The following TRIM4 variants were observed in gnomAD, a reference collection of about 807,000 sequenced individuals.
TRIM4 encodes tripartite motif containing 4.
A neutral mutation model predicts 33.7 loss-of-function variants in TRIM4; 29 were observed. The observed-to-expected ratio is 0.86, with a 90% CI of 0.64 to 1.17. TRIM4 has a LOEUF of 1.17. Ranked by LOEUF, TRIM4 falls within the 50% of genes most tolerant of loss-of-function variation. The pLI is 0.00. For synonymous variants in TRIM4, 224 were observed against 233.0 expected (o/e 0.96, Z 0.35); for missense variants, 554 against 593.7 (o/e 0.93, Z 0.69).
At chr7:99,899,905 C>T (rs911512435) in intron 5 of TRIM4, among the ~76,000 whole-genome samples, 76 of 152,150 alleles carry the variant, frequency 5.0e-4, no homozygotes, top group Non-Finnish European at 2.9e-5. Context: ...ATCCTCCCGC[C>T]GTGGCCTCCC....
intron 3 of TRIM4, among the ~76,000 whole-genome samples, chr7:99,906,885 A>G (rs1361960203): frequency 6.6e-6 from 1 of 152,156 alleles, no homozygotes; most frequent in Admixed American, 6.5e-5. Context: ...AACAATAAAG[A>G]GCAGATATTA....
chr7:99,897,882 T>C (rs988187142), intron 5 of TRIM4, among the ~76,000 whole-genome samples: 3 of 152,230 alleles, frequency 2.0e-5, no homozygotes, highest in African/African-American at 7.2e-5. Flanking sequence ...TTCCTGTGTC[T>C]TACTAAATGG....
At position 99,892,102 on chromosome 7, in the gene TRIM4, AG is replaced by A; in HGVS notation, c.*60del. The A allele has an allele frequency of 7.0e-7, 1 of 1,422,820 alleles. No individual in the cohort carries two copies. The highest frequency in any genetic ancestry group is 9.5e-7 in the Non-Finnish European group (1 of 1,048,366). The allele number at this position is 1,422,820 out of a possible 1,614,324, so 88.1% of individuals were successfully genotyped here. On this transcript the variant is annotated 3_prime_UTR_variant, in exon 6 of 6. Coordinates refer to ENST00000349062, the MANE Select transcript of TRIM4 (RefSeq NM_033091.3). The stretch of plus-strand genomic sequence containing the variant: ...AGACATGAAGGGCAGAAGAGGGCCC[AG>A]GGATGTGTGTCCCTCAGCTGGACTA...
In TRIM4 at chr7:99,908,613, T is replaced by C. The variant is rs536332903; in HGVS notation, c.689A>G (p.Lys230Arg). 3 of 1,613,564 alleles carry C rather than the reference T, an allele frequency of 1.9e-6. No individual in the cohort carries two copies. The African/African-American group carries it at 4.0e-5, about 22-fold the overall frequency. ...LKKLILEVGE[K>R]SQAPTLELLQ... is the part of the protein sequence containing the mutation. ...CAGCTCCAGGGTGGGAGCCTGGCTC[T>C]TCTCCCCCACCTCTAAGATGAGCTT... Residue 230 changes from lysine (K) to arginine (R), a missense_variant, in exon 3 of 6, where the codon AAG becomes AGG. Lys to Arg is a conservative substitution (Grantham distance 26, BLOSUM62 2). Coordinates refer to ENST00000349062, the MANE Select transcript of TRIM4 (RefSeq NM_033091.3).
chr7:99,892,303 C>T lies in TRIM4; in HGVS notation c.1285G>A (p.Gly429Arg), dbSNP rs1021157423. Residue 429 changes from glycine to arginine, a missense_variant, in exon 6 of 6, where the codon GGG (glycine) becomes AGG (arginine). By Grantham distance (125) the Gly-to-Arg change is moderately radical. Coordinates refer to ENST00000349062, the MANE Select transcript of TRIM4 (RefSeq NM_033091.3). ...RVGVYLDRGT[G>R]NVSFYSAVDG... The stretch of plus-strand genomic sequence containing the variant: ...ACAGCGCTGTAGAAGGAGACATTCC[C>T]AGTCCCACGATCCAGGTAAACCCCC... The T allele has an allele frequency of 8.1e-6, 13 of 1,614,064 alleles. No homozygotes were observed. The highest frequency in any genetic ancestry group is 1.1e-5 in the Non-Finnish European group (13 of 1,180,030).
intron 3 of TRIM4, among the ~76,000 whole-genome samples, chr7:99,904,432 A>G (rs1819249650): frequency 6.6e-6 from 1 of 152,258 alleles, no homozygotes; most frequent in African/African-American, 2.4e-5. Context: ...AGGAGAGACA[A>G]TGACAACCAA....
intron 2 of TRIM4, among the ~76,000 whole-genome samples, chr7:99,909,259 G>A (rs1175387560): frequency 6.6e-6 from 1 of 151,994 alleles, no homozygotes; most frequent in African/African-American, 2.4e-5. Flanking sequence ...AGGAAGGAGA[G>A]GGGTGCTACC....
intron 5 of TRIM4, among the ~76,000 whole-genome samples, chr7:99,894,732 T>A (rs1299056897): frequency 6.6e-6 from 1 of 152,076 alleles, no homozygotes; most frequent in East Asian, 1.9e-4. Context: ...TTGGAAGGTT[T>A]CTAATAGCAA....
At position 99,892,700 on chromosome 7, in the gene TRIM4, G is replaced by A. The variant is rs34402397; in HGVS notation, c.888C>T (p.Phe296=). Reference sequence around the variant, plus strand: ...TTTTCACGTATCTCCCTTCCTGGGAGAAGACGAGTTTGGGATGAGCTGTGT... The same window carrying A: ...TTTTCACGTATCTCCCTTCCTGGGAAAAGACGAGTTTGGGATGAGCTGTGT... ...AEDTAHPKLV[F]SQEGRYVKNT... is the part of the protein sequence containing the mutation. Residue 296 remains phenylalanine, a synonymous_variant, in exon 6 of 6, where the codon TTC becomes TTT. Coordinates refer to ENST00000349062, the MANE Select transcript of TRIM4 (RefSeq NM_033091.3). 741 of 1,614,036 alleles carry A rather than the reference G, an allele frequency of 4.6e-4. 4 individuals are homozygous for A. In the African/African-American group the frequency reaches 8.7e-3, roughly 19 times the overall value.
In TRIM4 at chr7:99,917,102, C is replaced by T. The variant is rs1055363498; in HGVS notation, c.393+1907G>A. Among the ~76,000 whole-genome samples the T allele has an allele frequency of 5.9e-5, 9 of 152,348 alleles. No homozygotes were observed. In the South Asian group the frequency reaches 1.7e-3, roughly 28 times the overall value. ...AGAGCTAACACATTTAACTCCTCAA[C>T]GGAGCCTTTCCTCACTCCTCAGTGA... is the stretch of plus-strand genomic sequence containing the variant. On this transcript the variant is annotated intron_variant, in intron 1 of 5. Coordinates refer to ENST00000349062, the MANE Select transcript of TRIM4 (RefSeq NM_033091.3).
At chr7:99,918,699 A>G (rs1220477713) in intron 1 of TRIM4, among the ~76,000 whole-genome samples, 1 of 152,158 alleles carries the variant, frequency 6.6e-6, no homozygotes, top group Non-Finnish European at 1.5e-5. Flanking sequence ...TTTAAATTAC[A>G]TATGTGGTTT....
chr7:99,911,380 T>G (rs1049048027), intron 1 of TRIM4, among the ~76,000 whole-genome samples: 3 of 152,140 alleles, frequency 2.0e-5, no homozygotes, highest in Non-Finnish European at 4.4e-5. Flanking sequence ...ATTACAAAAC[T>G]AGTGAATAGT....
chr7:99,903,179 G>T (rs775263357), intron 5 of TRIM4, 39 bp downstream of exon 5: 8 of 1,467,146 alleles, frequency 5.5e-6, no homozygotes, highest in Admixed American at 1.9e-5. Flanking sequence ...CTATTTGAAA[G>T]ATTTCTAAGG....
At chr7:99,903,191 G>A (rs760331023) in intron 5 of TRIM4, 27 bp downstream of exon 5, 40 of 1,537,448 alleles carry the variant, frequency 2.6e-5, no homozygotes, top group Middle Eastern at 3.4e-4. Context: ...TTTCTAAGGA[G>A]CCCCAAGTCC....
At chr7:99,898,064 ATGC>A (rs1346043821) in intron 5 of TRIM4, among the ~76,000 whole-genome samples, 17 of 152,226 alleles carry the variant, frequency 1.1e-4, no homozygotes, top group African/African-American at 4.1e-4. Flanking sequence ...TGGGGCATCC[ATGC>A]TGCTAACTTG....
chr7:99,903,649 C>G, intron 3 of TRIM4, 51 bp from the exon 4 acceptor site: 1 of 1,607,156 alleles, frequency 6.2e-7, no homozygotes, highest in Non-Finnish European at 8.5e-7. Flanking sequence ...TCCTGGAGAC[C>G]TGGAATACAA....
In TRIM4 at chr7:99,892,194, A is replaced by G; in HGVS notation, c.1394T>C (p.Leu465Ser). 6.2e-7 allele frequency: 1 copy of G among 1,613,024 alleles called. No individual in the cohort carries two copies. The highest frequency in any genetic ancestry group is 8.5e-7 in the Non-Finnish European group (1 of 1,179,644). ...CCTATCAGTCACTGGTGGAATGACT[A>G]AAGATGCTAATGGACTCAACCAAAA... ...PFFWLSPLAS[L>S]VIPPVTDRK Residue 465 changes from leucine (L) to serine (S), a missense_variant, in exon 6 of 6, where the codon TTA becomes TCA. By Grantham distance (145) the Leu-to-Ser change is moderately radical. This residue lies in a region of TRIM4 where 290 missense variants were observed against 335.8 expected (regional missense o/e 0.86). Transcript: ENST00000349062.
At chr7:99,896,658 A>G (rs1819022351) in intron 5 of TRIM4, among the ~76,000 whole-genome samples, 1 of 152,206 alleles carries the variant, frequency 6.6e-6, no homozygotes, top group East Asian at 1.9e-4. Flanking sequence ...GAGGTTGGAG[A>G]AAATTCCACG....
chr7:99,898,178 C>G (rs1158337099), intron 5 of TRIM4, among the ~76,000 whole-genome samples: 1 of 152,206 alleles, frequency 6.6e-6, no homozygotes, highest in East Asian at 1.9e-4. Flanking sequence ...ATCAGTGAGA[C>G]AAGATGACAT....
Sources: allele counts gnomAD v4.1 joint callset (sites outside exome capture counted in the v4.1 genomes callset), GRCh38; gene constraint gnomAD v4.1.1; regional missense constraint gnomAD v4.1.1; transcripts MANE v1.5; gene names NCBI Gene and HGNC (gene_info 2026-07-23, HGNC 2026-07-21).